Variants in JARID2 observed in about 807,000 individuals in gnomAD.
JARID2 encodes the protein jumonji and AT-rich interaction domain containing 2.
In JARID2, 21 loss-of-function variants were observed where a neutral mutation model predicts 125.6. That is an observed-to-expected ratio of 0.17 (90% CI 0.12 to 0.24). JARID2 has a LOEUF of 0.24. JARID2 is among the 10% of genes least tolerant of loss of function. The pLI is 1.00. For missense variants in JARID2, 1,303 were observed against 1,639.6 expected, an observed-to-expected ratio of 0.79 and a Z score of 3.55; for synonymous variants, 736 against 661.6, an observed-to-expected ratio of 1.11 and a Z score of -1.73.
intron 1 of JARID2, among the ~76,000 whole-genome samples, chr6:15,352,390 T>C (rs926213728): frequency 6.6e-6 from 1 of 152,106 alleles, no homozygotes; most frequent in African/African-American, 2.4e-5. Context: ...GCATTGTCAT[T>C]GGAGAGGAAG....
At chr6:15,455,066 G>C (rs1768095410) in intron 4 of JARID2, among the ~76,000 whole-genome samples, 1 of 152,060 alleles carries the variant, frequency 6.6e-6, no homozygotes, top group Non-Finnish European at 1.5e-5. Flanking sequence ...GCTTGGTTGT[G>C]CCGTCTATAG....
intron 6 of JARID2, among the ~76,000 whole-genome samples, chr6:15,489,972 T>A (rs1770069926): frequency 6.6e-6 from 1 of 152,238 alleles, no homozygotes; most frequent in Non-Finnish European, 1.5e-5. Context: ...TGACCTTCAA[T>A]GAGACTTGAG....
chr6:15,246,644 C>A, intron 1 of JARID2, 60 bp downstream of exon 1: 1 of 1,364,390 alleles, frequency 7.3e-7, no homozygotes, highest in South Asian at 1.2e-5. Context: ...CTGTGAATGT[C>A]AAGTTTATAG....
intron 3 of JARID2, among the ~76,000 whole-genome samples, chr6:15,450,162 G>GT (rs988911652): frequency 1.6e-4 from 25 of 151,758 alleles, no homozygotes; most frequent in South Asian, 6.3e-4. Flanking sequence ...TACTTACTTA[G>GT]TTTTTTTTAT....
intron 1 of JARID2, among the ~76,000 whole-genome samples, chr6:15,311,249 A>G (rs1272492897): frequency 1.3e-5 from 2 of 152,054 alleles, no homozygotes; most frequent in Non-Finnish European, 2.9e-5. Context: ...AGTCTTGGGC[A>G]TGGTGAGTCT....
chr6:15,359,360 C>G (rs754271984), intron 1 of JARID2, among the ~76,000 whole-genome samples: 2 of 152,206 alleles, frequency 1.3e-5, no homozygotes, highest in Non-Finnish European at 2.9e-5. Context: ...ATGTGGCATC[C>G]AGAGGTTGCT....
chr6:15,392,105 T>G (rs1489916636), intron 2 of JARID2, among the ~76,000 whole-genome samples: 31 of 149,974 alleles, frequency 2.1e-4, no homozygotes, highest in Admixed American at 2.1e-3. Context: ...AAAATGTGAG[T>G]CCAACTTGGC....
At chr6:15,397,132 C>A (rs1581502240) in intron 2 of JARID2, among the ~76,000 whole-genome samples, 3 of 152,074 alleles carry the variant, frequency 2.0e-5, no homozygotes, top group Admixed American at 1.3e-4. Flanking sequence ...AAATAAAATT[C>A]CAACAGGTAA....
At chr6:15,404,229 C>G (rs1053028319) in intron 2 of JARID2, among the ~76,000 whole-genome samples, 7 of 152,158 alleles carry the variant, frequency 4.6e-5, no homozygotes, top group African/African-American at 1.7e-4. Context: ...CCCTGGAGCT[C>G]TGTGCTCCAT....
chr6:15,461,199 A>G (rs9383058), intron 4 of JARID2, among the ~76,000 whole-genome samples: 101,037 of 152,090 alleles, frequency 0.66, 33,795 homozygotes, highest in East Asian at 0.8. Flanking sequence ...AGACAACAAT[A>G]TAGGAAGGGT....
At chr6:15,505,381 T>G (rs986180806) in intron 9 of JARID2, 5 of 148,814 alleles carry the variant, frequency 3.4e-5, no homozygotes, top group African/African-American at 1.0e-4. Context: ...TAATGCCACC[T>G]GTTTCAAATA....
chr6:15,469,888 G>A (rs1768986117), intron 5 of JARID2, among the ~76,000 whole-genome samples: 1 of 152,122 alleles, frequency 6.6e-6, no homozygotes, highest in South Asian at 2.1e-4. Flanking sequence ...AGTAAGAAAA[G>A]AGGAAAGAGG....
chr6:15,497,659 A>AAG (rs1554145139), intron 7 of JARID2, among the ~76,000 whole-genome samples: 1 of 151,442 alleles, frequency 6.6e-6, no homozygotes, highest in African/African-American at 2.4e-5. Context: ...TCAAAAAAAA[A>AAG]AAAAAAGTAT....
chr6:15,463,605 A>AT (rs970038094), intron 4 of JARID2, among the ~76,000 whole-genome samples: 2 of 151,560 alleles, frequency 1.3e-5, no homozygotes, highest in Non-Finnish European at 2.9e-5. Context: ...TAATTTTTAT[A>AT]TTTTTTAGTA....
chr6:15,279,030 G>T (rs1760650696), intron 1 of JARID2, among the ~76,000 whole-genome samples: 1 of 151,898 alleles, frequency 6.6e-6, no homozygotes, highest in Non-Finnish European at 1.5e-5. Flanking sequence ...GGTGGAGGTT[G>T]CAGTGAGCCA....
chr6:15,322,414 G>GTT (rs981780124), intron 1 of JARID2, among the ~76,000 whole-genome samples: 3 of 152,234 alleles, frequency 2.0e-5, no homozygotes, highest in African/African-American at 7.2e-5. Flanking sequence ...CCTGTGAAAT[G>GTT]TTTTATCACC....
At chr6:15,247,798 C>T in intron 1 of JARID2, 1 of 985,390 alleles carries the variant, frequency 1.0e-6, no homozygotes, top group Non-Finnish European at 1.2e-6. Context: ...GTTAAATAAT[C>T]AAGCCCAACT....
chr6:15,506,625 C>T (rs1771017353), intron 9 of JARID2, among the ~76,000 whole-genome samples: 1 of 152,198 alleles, frequency 6.6e-6, no homozygotes, highest in African/African-American at 2.4e-5. Flanking sequence ...GGAGCCTGGG[C>T]ACCGCTGCTT....
Position 15,372,444 on chromosome 6 carries a change from C to T in JARID2, c.46-1673C>T, listed in dbSNP as rs57783281. The stretch of plus-strand genomic sequence containing the variant: ...CGTGATCTTGGCTCACTGCAACCTC[C>T]GCCTCCCCAGGTTCAAGTGATTCTC... On this transcript the variant is annotated intron_variant, in intron 1 of 17. Coordinates refer to ENST00000341776, the MANE Select transcript of JARID2 (RefSeq NM_004973.4). 4.0e-3 allele frequency among the ~76,000 whole-genome samples: 614 copies of T among 151,966 alleles called. 5 individuals are homozygous for T. The highest frequency in any genetic ancestry group is 0.024 in the Middle Eastern group (7 of 292).
Sources: allele counts gnomAD v4.1 joint callset (sites outside exome capture counted in the v4.1 genomes callset), GRCh38; gene constraint gnomAD v4.1.1; transcripts MANE v1.5; gene names NCBI Gene and HGNC (gene_info 2026-07-23, HGNC 2026-07-21).